UBXN7: variants seen among roughly 807,000 people sequenced by gnomAD.
UBXN7 encodes the protein UBX domain-containing protein 7.
UBXN7 carries 9 observed loss-of-function variants against 58.0 expected under a neutral mutation model. The ratio of observed to expected loss-of-function variants is 0.16; its 90% CI spans 0.09 to 0.27. UBXN7 has a LOEUF of 0.27. Ranked by LOEUF, UBXN7 falls within the 10% of genes least tolerant of loss-of-function variation. UBXN7 has a pLI of 1.00. For missense variants in UBXN7, 328 were observed against 599.6 expected (o/e 0.55, Z 4.73); for synonymous variants, 208 against 205.0 (o/e 1.01, Z -0.12).
chr3:196,405,807 T>G (rs967800203), intron 2 of UBXN7, among the ~76,000 whole-genome samples: 1 of 152,168 alleles, frequency 6.6e-6, no homozygotes, highest in Non-Finnish European at 1.5e-5. Flanking sequence ...CTTTAGGAAT[T>G]AGGAGCCATT....
Position 196,407,517 on chromosome 3 carries a change from TTTC to T in UBXN7, c.74-127_74-125del, listed in dbSNP as rs1730199124. The stretch of plus-strand genomic sequence containing the variant: ...ATTTTTCCCTTTTAGAATGAATGAC[TTTC>T]TTGTGAAATACACAGAGCTAGAAAA... On this transcript the variant is annotated intron_variant, in intron 1 of 10. Transcript: ENST00000296328. The T allele has an allele frequency of 1.4e-5, 19 of 1,345,296 alleles. No homozygotes were observed. In the South Asian group the frequency reaches 3.1e-4, roughly 22 times the overall value. 83.3% of individuals were successfully genotyped at this position (1,345,296 alleles called of 1,614,324 possible).
intron 5 of UBXN7, among the ~76,000 whole-genome samples, chr3:196,374,905 GGGGGAGGGGGAGGGGGAGGGGAAGGGAA>G: frequency 1.6e-4 from 1 of 6,324 alleles, no homozygotes; most frequent in African/African-American, 6.0e-4. Flanking sequence ...GAGGGGGGGA[GGGGGAGGGGGAGGGGGAGGGGAAGGGAA>G]GAAGGAAGGA....
At position 196,349,392 on chromosome 3, in the gene UBXN7, T is replaced by C. The variant is rs531546534; in HGVS notation, c.*7293A>G. On this transcript the variant is annotated 3_prime_UTR_variant, in exon 11 of 11. Transcript: ENST00000296328. ...ACAGTCACTCCGTGTAAGGTTTAAC[T>C]TACAGGGCAATAAGTTATCAAAAAG... The C allele has an allele frequency of 6.6e-6, 1 of 152,334 alleles. No individual in the cohort carries two copies. The highest frequency in any genetic ancestry group is 6.5e-5 in the Admixed American group (1 of 15,292). The allele number at this position is 152,334 out of a possible 1,614,324, so 9.4% of individuals were successfully genotyped here.
At position 196,354,894 on chromosome 3, in the gene UBXN7, TAC is replaced by T. The variant is rs1458859980; in HGVS notation, c.*1789_*1790del. 2 of 151,682 alleles carry T rather than the reference TAC, an allele frequency of 1.3e-5. No individual in the cohort carries two copies. Among genetic ancestry groups the T allele is most frequent in the Non-Finnish European group, 2.9e-5 (2 of 67,906 alleles). The allele number at this position is 151,682 out of a possible 1,614,324, so 9.4% of individuals were successfully genotyped here. On this transcript the variant is annotated 3_prime_UTR_variant, in exon 11 of 11. Coordinates refer to ENST00000296328, the MANE Select transcript of UBXN7 (RefSeq NM_015562.2). Reference sequence around the variant, plus strand: ...AATTATATACTTATACATAAGCACTTACACAGACTTAGAAAAAAATTTAAGAA... The same window carrying T: ...AATTATATACTTATACATAAGCACTTACAGACTTAGAAAAAAATTTAAGAA...
intron 5 of UBXN7, among the ~76,000 whole-genome samples, chr3:196,372,256 T>C (rs1393132099): frequency 6.6e-6 from 1 of 151,666 alleles, no homozygotes; most frequent in African/African-American, 2.4e-5. Flanking sequence ...CAAATTTAAA[T>C]GAACTCATTT....
intron 5 of UBXN7, among the ~76,000 whole-genome samples, chr3:196,379,277 A>G (rs147596420): frequency 0.011 from 1,594 of 150,992 alleles, 103 homozygotes; most frequent in Admixed American, 0.08. Flanking sequence ...GCTTCTTTCC[A>G]TGTTGGTTTT....
intron 5 of UBXN7, among the ~76,000 whole-genome samples, 191 bp downstream of exon 5, chr3:196,391,622 T>C (rs1216402491): frequency 2.0e-5 from 3 of 152,022 alleles, no homozygotes; most frequent in Non-Finnish European, 4.4e-5. Context: ...TAGCCCTAGC[T>C]ACTCGGGAAG....
intron 5 of UBXN7, among the ~76,000 whole-genome samples, chr3:196,376,287 A>C (rs1204670269): frequency 6.6e-6 from 1 of 152,124 alleles, no homozygotes; most frequent in Non-Finnish European, 1.5e-5. Flanking sequence ...TCTTGCCTGT[A>C]ATCACAGCAC....
chr3:196,422,218 A>G (rs1730711082), intron 1 of UBXN7, among the ~76,000 whole-genome samples: 1 of 152,048 alleles, frequency 6.6e-6, no homozygotes, highest in Admixed American at 6.6e-5. Context: ...AAAACAAAAA[A>G]GCCCAGGCGT....
In UBXN7 at chr3:196,399,584, G is replaced by A. The variant is rs575139097; in HGVS notation, c.289+3368C>T. ...CCCAAGTAACTAGGACTACAGGCACGTGCCACCATGCCTAACGAATTTATT... is the reference window on the plus strand; with the variant it reads ...CCCAAGTAACTAGGACTACAGGCACATGCCACCATGCCTAACGAATTTATT... On this transcript the variant is annotated intron_variant, in intron 3 of 10. Transcript: ENST00000296328. 7.9e-5 allele frequency among the ~76,000 whole-genome samples: 12 copies of A among 152,248 alleles called. No individual in the cohort carries two copies. The South Asian group carries it at 2.5e-3, about 32-fold the overall frequency.
At chr3:196,414,358 A>T (rs146060719) in intron 1 of UBXN7, among the ~76,000 whole-genome samples, 3 of 152,330 alleles carry the variant, frequency 2.0e-5, no homozygotes, top group African/African-American at 7.2e-5. Flanking sequence ...GGAGGGCCAG[A>T]TGTACCTTCG....
chr3:196,413,255 T>C (rs1216205189), intron 1 of UBXN7, among the ~76,000 whole-genome samples: 1 of 152,128 alleles, frequency 6.6e-6, no homozygotes, highest in Non-Finnish European at 1.5e-5. Flanking sequence ...GGAGAACCGC[T>C]TGAACCCAGG....
chr3:196,394,778 T>A (rs1729718797), intron 3 of UBXN7, among the ~76,000 whole-genome samples: 1 of 152,176 alleles, frequency 6.6e-6, no homozygotes, highest in African/African-American at 2.4e-5. Flanking sequence ...ACTTAAGGAC[T>A]ATTTCTTAGG....
rs1302932695 is a variant in UBXN7 at position 196,351,972 on chromosome 3, A to T, written c.*4713T>A. 2 of 152,226 alleles carry T rather than the reference A, an allele frequency of 1.3e-5. No individual in the cohort carries two copies. The highest frequency in any genetic ancestry group is 2.9e-5 in the Non-Finnish European group (2 of 68,030). 9.4% of individuals were successfully genotyped at this position (152,226 alleles called of 1,614,324 possible). On this transcript the variant is annotated 3_prime_UTR_variant, in exon 11 of 11. Transcript: ENST00000296328. The stretch of plus-strand genomic sequence containing the variant: ...GCTAGGAATCTTTACTCCAGGGATC[A>T]ATAATCCTTTCCTACTTGGGTACTG...
In UBXN7 at chr3:196,361,810, G is replaced by A. The variant is rs371747557; in HGVS notation, c.1308+34C>T. The A allele has an allele frequency of 1.6e-5, 25 of 1,581,892 alleles. 1 individual carries two copies. In the African/African-American group the frequency reaches 1.6e-4, roughly 10 times the overall value. On this transcript the variant is annotated intron_variant, in intron 10 of 10. Transcript: ENST00000296328. Reference sequence around the variant, plus strand: ...AATTTGGGACTCGTCTTATTGCAGTGGTCGGAACTGAACCAAAGCAAGCCT... The same window carrying A: ...AATTTGGGACTCGTCTTATTGCAGTAGTCGGAACTGAACCAAAGCAAGCCT...
At chr3:196,421,094 G>C (rs544984561) in intron 1 of UBXN7, among the ~76,000 whole-genome samples, 3 of 152,198 alleles carry the variant, frequency 2.0e-5, no homozygotes, top group Non-Finnish European at 4.4e-5. Flanking sequence ...TCTAATCCTG[G>C]AGTTTTTAAG....
chr3:196,358,121 G>A lies in UBXN7; in HGVS notation c.1309-1275C>T, dbSNP rs148607129. Among the ~76,000 whole-genome samples, 6 of 152,254 alleles carry A rather than the reference G, an allele frequency of 3.9e-5. 1 individual carries two copies. The highest frequency in any genetic ancestry group is 1.4e-4 in the African/African-American group (6 of 41,538). ...TGTGTTAGATGAAAATGCCCGCAGC[G>A]TCACCATGATGAACCACGTGCGAGC... On this transcript the variant is annotated intron_variant, in intron 10 of 10. Transcript: ENST00000296328.
intron 3 of UBXN7, among the ~76,000 whole-genome samples, chr3:196,401,272 A>AAAAAAAAAAAAT (rs1729959480): frequency 1.3e-5 from 1 of 74,948 alleles, no homozygotes; most frequent in Non-Finnish European, 2.4e-5. Flanking sequence ...AAAAAAAAAA[A>AAAAAAAAAAAAT]AAATATATAT....
At chr3:196,401,298 T>TATATATATACAC (rs1269101481) in intron 3 of UBXN7, among the ~76,000 whole-genome samples, 1 of 61,694 alleles carries the variant, frequency 1.6e-5, no homozygotes, top group African/African-American at 8.7e-5. Flanking sequence ...TATATATATA[T>TATATATATACAC]ACACACACAC....
Sources: gnomAD v4.1 joint callset for allele counts (sites outside exome capture counted in the v4.1 genomes callset) on GRCh38, gnomAD v4.1.1 for gene constraint, MANE v1.5 for transcripts, NCBI Gene and HGNC (gene_info 2026-07-23, HGNC 2026-07-21) for gene names.